The following PHYKPL variants were observed in gnomAD, a reference collection of about 807,000 sequenced individuals.
PHYKPL encodes 5-phosphonooxy-L-lysine phospho-lyase.
A neutral mutation model predicts 51.3 loss-of-function variants in PHYKPL; 42 were observed. The ratio of observed to expected loss-of-function variants is 0.82; its 90% CI spans 0.64 to 1.06. The LOEUF (loss-of-function observed/expected upper bound fraction) is 1.06. Ranked by LOEUF, PHYKPL falls within the 50% of genes least tolerant of loss-of-function variation. The pLI is 0.00. For synonymous variants in PHYKPL, 264 were observed against 236.0 expected, an observed-to-expected ratio of 1.12 and a Z score of -1.09; for missense variants, 655 against 586.6, an observed-to-expected ratio of 1.12 and a Z score of -1.20.
chr5:178,225,804 C>T (rs1762169443), intron 3 of PHYKPL: 1 of 247,704 alleles, frequency 4.0e-6, no homozygotes, highest in African/African-American at 2.2e-5. Flanking sequence ...GCAATCAGTT[C>T]TGCAGCGGAC....
chr5:178,216,190 T>G (rs2113772556), intron 8 of PHYKPL: 1 of 152,246 alleles, frequency 6.6e-6, no homozygotes, highest in South Asian at 2.1e-4. Context: ...TGCTTTCTGT[T>G]ACTATGAGAT....
At chr5:178,227,886 G>C (rs1234136709) in intron 3 of PHYKPL, among the ~76,000 whole-genome samples, 1 of 152,174 alleles carries the variant, frequency 6.6e-6, no homozygotes, top group Non-Finnish European at 1.5e-5. Context: ...AGATGGAGGA[G>C]GCAGGATTGA....
chr5:178,225,683 T>C lies in PHYKPL; in HGVS notation c.339-254A>G, dbSNP rs10060814. The stretch of plus-strand genomic sequence containing the variant: ...CTCGTATGTGTCATGAAAGTTGTTT[T>C]GAAAAAACCCAAACCATTGTTTTTC... On this transcript the variant is annotated intron_variant, in intron 3 of 12. Coordinates refer to ENST00000308158, the MANE Select transcript of PHYKPL (RefSeq NM_153373.4). 5.4e-5 allele frequency: 28 copies of C among 513,872 alleles called. No individual in the cohort carries two copies. In the Admixed American group the frequency reaches 6.8e-4, roughly 12 times the overall value. 31.8% of individuals were successfully genotyped at this position (513,872 alleles called of 1,614,324 possible).
At chr5:178,211,183 A>C in intron 12 of PHYKPL, 1 of 152,606 alleles carries the variant, frequency 6.6e-6, no homozygotes, top group South Asian at 2.0e-4. Context: ...AGTGTGGGAT[A>C]TGCTGTGTGA....
chr5:178,214,175 TG>T (rs1759251062), intron 10 of PHYKPL, among the ~76,000 whole-genome samples: 1 of 152,060 alleles, frequency 6.6e-6, no homozygotes, highest in Non-Finnish European at 1.5e-5. Context: ...GAGCTTTCCA[TG>T]GTGGGCGTGG....
intron 10 of PHYKPL, 142 bp from the exon 11 acceptor site, chr5:178,213,245 TC>T: frequency 8.7e-7 from 1 of 1,143,750 alleles, no homozygotes; most frequent in Non-Finnish European, 1.2e-6. Flanking sequence ...TGGTCACCTC[TC>T]CCAGAGTCCT....
intron 12 of PHYKPL, chr5:178,210,382 C>CAGCCATGG: frequency 6.3e-7 from 1 of 1,579,526 alleles, no homozygotes; most frequent in Non-Finnish European, 8.6e-7. Flanking sequence ...AGGCCTGGCT[C>CAGCCATGG]AGCCATGGGA....
intron 6 of PHYKPL, chr5:178,223,228 G>A (rs1320569062): frequency 9.6e-6 from 4 of 416,538 alleles, no homozygotes; most frequent in African/African-American, 4.1e-5. Flanking sequence ...TTTGATCCAC[G>A]CCTCCTCCCT....
At chr5:178,225,322 T>C (rs1288808337) in intron 4 of PHYKPL, 33 bp downstream of exon 4, 1 of 1,613,210 alleles carries the variant, frequency 6.2e-7, no homozygotes, top group South Asian at 1.1e-5. Context: ...GGGCCAGGCT[T>C]CTGGGAACGG....
intron 8 of PHYKPL, among the ~76,000 whole-genome samples, chr5:178,219,812 C>T (rs879389731): frequency 5.3e-5 from 8 of 152,020 alleles, no homozygotes; most frequent in South Asian, 4.1e-4. Flanking sequence ...AGATACTTCA[C>T]GTAATCTGAA....
At chr5:178,229,470 T>A (rs755676040) in intron 3 of PHYKPL, among the ~76,000 whole-genome samples, 40 of 152,174 alleles carry the variant, frequency 2.6e-4, no homozygotes, top group Non-Finnish European at 5.0e-4. Context: ...TATCTCCTAG[T>A]CAGCTCTGAG....
chr5:178,207,636 C>A (rs577792468), downstream of PHYKPL, among the ~76,000 whole-genome samples: 2 of 149,940 alleles, frequency 1.3e-5, no homozygotes, highest in Non-Finnish European at 3.0e-5. Context: ...TATTCCAGAG[C>A]CTTTCTACCT....
At chr5:178,215,055 G>A (rs1193555308) in intron 9 of PHYKPL, among the ~76,000 whole-genome samples, 170 bp from the exon 10 acceptor site, 1 of 152,198 alleles carries the variant, frequency 6.6e-6, no homozygotes, top group Admixed American at 6.5e-5. Flanking sequence ...GAGATCTTTG[G>A]TGTGGACAGA....
At chr5:178,219,069 G>A (rs1268740331) in intron 8 of PHYKPL, among the ~76,000 whole-genome samples, 3 of 152,048 alleles carry the variant, frequency 2.0e-5, no homozygotes, top group African/African-American at 4.8e-5. Flanking sequence ...ATGGATTAAG[G>A]ACCTATATGT....
chr5:178,226,107 A>G (rs1762244329), intron 3 of PHYKPL: 1 of 132,838 alleles, frequency 7.5e-6, no homozygotes. Context: ...AGACAGTCTC[A>G]CTCTGTTGCC....
intron 1 of PHYKPL, 22 bp from the exon 2 acceptor site, chr5:178,231,545 G>C (rs370631447): frequency 3.8e-5 from 62 of 1,613,916 alleles, no homozygotes; most frequent in Non-Finnish European, 5.2e-5. Flanking sequence ...GGCAAGGAGT[G>C]GACAGCCATG....
chr5:178,210,017 C>G, intron 12 of PHYKPL: 2 of 1,454,270 alleles, frequency 1.4e-6, no homozygotes, highest in Admixed American at 2.2e-5. Flanking sequence ...AGCCCCTTGG[C>G]TTCTGCCTGA....
intron 4 of PHYKPL, chr5:178,225,058 TACTC>T: frequency 1.8e-6 from 1 of 565,842 alleles, no homozygotes; most frequent in Non-Finnish European, 3.2e-6. Flanking sequence ...GCACATCACA[TACTC>T]AATTCATGGG....
chr5:178,211,218 G>GGC (rs916687801), intron 12 of PHYKPL: 1 of 122,454 alleles, frequency 8.2e-6, no homozygotes, highest in Non-Finnish European at 1.7e-5. Context: ...GGTCGAGGGA[G>GGC]GCGGGGGGGG....
Sources: gnomAD v4.1 joint callset for allele counts (sites outside exome capture counted in the v4.1 genomes callset) on GRCh38, gnomAD v4.1.1 for gene constraint, MANE v1.5 for transcripts, NCBI Gene and HGNC (gene_info 2026-07-23, HGNC 2026-07-21) for gene names.